Variants in BTBD9 observed in about 807,000 individuals in gnomAD.
BTBD9 encodes the protein BTB/POZ domain-containing protein 9.
Under a neutral mutation model 64.3 loss-of-function variants are expected in BTBD9, and 49 were observed. The ratio of observed to expected loss-of-function variants is 0.76; its 90% CI spans 0.61 to 0.97. The LOEUF is 0.97. Among genes scored for constraint, BTBD9 ranks in the 50% least tolerant of loss-of-function variants. The pLI, the probability that BTBD9 is intolerant of heterozygous loss-of-function variation, is 0.00. For synonymous variants in BTBD9, 260 were observed against 274.7 expected, an observed-to-expected ratio of 0.95 and a Z score of 0.53; for missense variants, 598 against 762.1, an observed-to-expected ratio of 0.78 and a Z score of 2.53.
chr6:38,634,535 T>A, intron 1 of BTBD9, among the ~76,000 whole-genome samples: 1 of 152,074 alleles, frequency 6.6e-6, no homozygotes, highest in East Asian at 1.9e-4. Flanking sequence ...CTGGCACATA[T>A]TATTAAAAAT....
At chr6:38,549,057 C>T (rs183417219) in intron 6 of BTBD9, among the ~76,000 whole-genome samples, 2 of 152,196 alleles carry the variant, frequency 1.3e-5, no homozygotes, top group South Asian at 4.1e-4. Context: ...TAAGTGAAGG[C>T]TATCTTCTTA....
chr6:38,436,517 A>G (rs1400530793), intron 6 of BTBD9, among the ~76,000 whole-genome samples: 15 of 151,398 alleles, frequency 9.9e-5, no homozygotes, highest in Admixed American at 5.3e-4. Context: ...CTGGGATTAT[A>G]GGCGTGCGAA....
At chr6:38,501,003 T>C (rs1772170629) in intron 6 of BTBD9, among the ~76,000 whole-genome samples, 1 of 152,254 alleles carries the variant, frequency 6.6e-6, no homozygotes, top group African/African-American at 2.4e-5. Flanking sequence ...ATGAATTTTC[T>C]ATCTAATGTC....
chr6:38,241,597 A>G (rs1306379024), intron 9 of BTBD9, among the ~76,000 whole-genome samples: 3 of 152,248 alleles, frequency 2.0e-5, no homozygotes, highest in Non-Finnish European at 4.4e-5. Context: ...CAGCTGGTAA[A>G]TGTGTGCAAT....
chr6:38,318,593 T>C (rs1413177749), intron 7 of BTBD9, among the ~76,000 whole-genome samples: 5 of 152,204 alleles, frequency 3.3e-5, no homozygotes, highest in African/African-American at 1.2e-4. Flanking sequence ...GAGACTCTTG[T>C]TCTTTTCCCT....
intron 7 of BTBD9, among the ~76,000 whole-genome samples, chr6:38,295,757 A>G (rs147438635): frequency 6.6e-6 from 1 of 152,256 alleles, no homozygotes; most frequent in African/African-American, 2.4e-5. Flanking sequence ...TAAGATCTGT[A>G]TTCTGAGGCT....
chr6:38,505,589 A>G (rs1364162036), intron 6 of BTBD9, among the ~76,000 whole-genome samples: 1 of 151,160 alleles, frequency 6.6e-6, no homozygotes, highest in African/African-American at 2.4e-5. Flanking sequence ...GCACCACTGC[A>G]CTCCAGCCTG....
At chr6:38,631,049 C>T (rs1778343049) in intron 1 of BTBD9, among the ~76,000 whole-genome samples, 1 of 152,072 alleles carries the variant, frequency 6.6e-6, no homozygotes, top group Non-Finnish European at 1.5e-5. Context: ...TAATTTAAAA[C>T]CATTAAATAT....
intron 6 of BTBD9, among the ~76,000 whole-genome samples, chr6:38,575,700 T>C (rs1433613295): frequency 6.6e-6 from 1 of 152,212 alleles, no homozygotes; most frequent in Non-Finnish European, 1.5e-5. Flanking sequence ...ATAAAGTGGC[T>C]ATAATTTTTA....
chr6:38,552,914 A>C (rs954947000), intron 6 of BTBD9, among the ~76,000 whole-genome samples: 11 of 152,166 alleles, frequency 7.2e-5, no homozygotes, highest in Non-Finnish European at 1.5e-4. Flanking sequence ...CCCACCAAGG[A>C]TATCAAAATC....
chr6:38,585,648 T>C (rs906241222), intron 4 of BTBD9, among the ~76,000 whole-genome samples: 2 of 152,178 alleles, frequency 1.3e-5, no homozygotes, highest in African/African-American at 4.8e-5. Context: ...ACTGTTACTA[T>C]TACTGTCTTT....
chr6:38,198,906 G>T (rs1169530223), intron 9 of BTBD9, among the ~76,000 whole-genome samples: 1 of 152,200 alleles, frequency 6.6e-6, no homozygotes, highest in Non-Finnish European at 1.5e-5. Context: ...CCTCAGAGAG[G>T]AAGGCACACA....
At chr6:38,469,476 C>T (rs1193374241) in intron 6 of BTBD9, among the ~76,000 whole-genome samples, 4 of 152,096 alleles carry the variant, frequency 2.6e-5, no homozygotes, top group Admixed American at 1.3e-4. Flanking sequence ...CATGCCACCA[C>T]GCCTGGCTAA....
chr6:38,345,143 A>T (rs752933919), intron 6 of BTBD9, 50 bp from the exon 7 acceptor site: 3 of 1,242,372 alleles, frequency 2.4e-6, no homozygotes, highest in Non-Finnish European at 3.5e-6. Context: ...TCCCACCACA[A>T]CCAATCCAAG....
chr6:38,495,502 T>C (rs1771913522), intron 6 of BTBD9, among the ~76,000 whole-genome samples: 1 of 152,206 alleles, frequency 6.6e-6, no homozygotes, highest in African/African-American at 2.4e-5. Flanking sequence ...CCTTCTTTAT[T>C]ATACATTAGA....
chr6:38,443,769 C>T (rs956850176), intron 6 of BTBD9, among the ~76,000 whole-genome samples: 2 of 152,134 alleles, frequency 1.3e-5, no homozygotes, highest in East Asian at 1.9e-4. Flanking sequence ...CTTGTTGCTA[C>T]GACCTTAGCC....
intron 1 of BTBD9, among the ~76,000 whole-genome samples, chr6:38,611,755 T>C (rs187859238): frequency 6.6e-6 from 1 of 152,306 alleles, no homozygotes; most frequent in African/African-American, 2.4e-5. Context: ...ATATTTTCAT[T>C]AGGAAGTTCT....
At chr6:38,596,733 G>A (rs574109440) in intron 2 of BTBD9, among the ~76,000 whole-genome samples, 163 of 151,530 alleles carry the variant, frequency 1.1e-3, no homozygotes, top group African/African-American at 1.8e-3. Context: ...CCCGGGAGGC[G>A]GAGCTTGCAG....
chr6:38,614,288 A>G (rs1777718393), intron 1 of BTBD9, among the ~76,000 whole-genome samples: 1 of 152,122 alleles, frequency 6.6e-6, no homozygotes, highest in African/African-American at 2.4e-5. Flanking sequence ...ATACCTTGCT[A>G]TGATTTTGTT....
Sources: allele counts gnomAD v4.1 joint callset (sites outside exome capture counted in the v4.1 genomes callset), GRCh38; gene constraint gnomAD v4.1.1; transcripts MANE v1.5; gene names NCBI Gene and HGNC (gene_info 2026-07-23, HGNC 2026-07-21).